Variants in NELL2 observed in about 807,000 individuals in gnomAD.
NELL2 encodes the protein protein kinase C-binding protein NELL2.
NELL2 carries 41 observed loss-of-function variants against 109.6 expected under a neutral mutation model. That is an observed-to-expected ratio of 0.37 (90% CI 0.29 to 0.49). The LOEUF is 0.49. Ranked by LOEUF, NELL2 falls within the 20% of genes least tolerant of loss-of-function variation. The pLI is 0.98. For missense variants in NELL2, 900 were observed against 1,008.3 expected, an observed-to-expected ratio of 0.89 and a Z score of 1.45; for synonymous variants, 355 against 344.7, an observed-to-expected ratio of 1.03 and a Z score of -0.33.
At chr12:44,735,795 C>T (rs1592425383) in intron 9 of NELL2, among the ~76,000 whole-genome samples, 4 of 151,882 alleles carry the variant, frequency 2.6e-5, no homozygotes, top group Middle Eastern at 3.4e-3. Flanking sequence ...ATATTTTTAT[C>T]CTCCTTTGTT....
intron 2 of NELL2, among the ~76,000 whole-genome samples, chr12:44,823,023 T>C (rs1943594742): frequency 1.3e-5 from 2 of 152,206 alleles, no homozygotes; most frequent in South Asian, 4.1e-4. Flanking sequence ...AATACAATTA[T>C]GTATATGGTA....
chr12:44,640,433 A>G (rs568754929), intron 13 of NELL2, among the ~76,000 whole-genome samples: 1 of 152,314 alleles, frequency 6.6e-6, no homozygotes, highest in Admixed American at 6.5e-5. Context: ...TCTACAAATA[A>G]TTGTTTTGCC....
intron 3 of NELL2, among the ~76,000 whole-genome samples, chr12:44,809,030 A>G (rs1666490667): frequency 6.6e-6 from 1 of 152,058 alleles, no homozygotes; most frequent in Non-Finnish European, 1.5e-5. Flanking sequence ...CCTGGATATC[A>G]GCAAAATTCC....
Position 44,774,841 on chromosome 12 carries a change from G to A in NELL2, c.900C>T (p.Thr300=), listed in dbSNP as rs183942104. 6.2e-7 allele frequency: 1 copy of A among 1,609,420 alleles called. No individual in the cohort carries two copies. The part of the protein sequence containing the change: ...GCKNCTCLNG[T]IQCETLICPN... ...GGCAGATTAGAGTTTCACACTGGAT[G>A]GTTCCATTCTGAAAAGGAAACAATA... is the stretch of plus-strand genomic sequence containing the variant. Residue 300 remains threonine, a synonymous_variant, in exon 9 of 20, where the codon ACC becomes ACT. Coordinates refer to ENST00000429094, the MANE Select transcript of NELL2 (RefSeq NM_001145108.2).
Position 44,728,993 on chromosome 12 carries a change from T to C in NELL2, c.995-14252A>G, listed in dbSNP as rs1044312396. Among the ~76,000 whole-genome samples, 3 of 151,940 alleles carry C rather than the reference T, an allele frequency of 2.0e-5. No homozygotes were observed. In the East Asian group the frequency reaches 5.8e-4, roughly 29 times the overall value. On this transcript the variant is annotated intron_variant, in intron 9 of 19. Coordinates refer to ENST00000429094, the MANE Select transcript of NELL2 (RefSeq NM_001145108.2). ...AAAATGATAACAGAAGACCTTAAAG[T>C]TGAAATGAAAAAAATACCAGACAGC...
chr12:44,804,950 A>G (rs1485791325), intron 3 of NELL2, among the ~76,000 whole-genome samples: 1 of 151,912 alleles, frequency 6.6e-6, no homozygotes, highest in African/African-American at 2.4e-5. Context: ...AACAAAATCC[A>G]TTTTTCTAGT....
chr12:44,599,699 G>T (rs945768170), intron 15 of NELL2, among the ~76,000 whole-genome samples: 1 of 152,152 alleles, frequency 6.6e-6, no homozygotes, highest in African/African-American at 2.4e-5. Context: ...GATGAAAGCG[G>T]TTAACTCTTC....
intron 19 of NELL2, among the ~76,000 whole-genome samples, chr12:44,519,349 CA>C (rs2138977258): frequency 1.3e-5 from 2 of 152,306 alleles, no homozygotes; most frequent in South Asian, 4.1e-4. Flanking sequence ...CACTAATCTA[CA>C]AACTCTATAT....
At chr12:44,767,985 T>G (rs568662621) in intron 9 of NELL2, among the ~76,000 whole-genome samples, 32 of 152,322 alleles carry the variant, frequency 2.1e-4, no homozygotes, top group Non-Finnish European at 2.5e-4. Flanking sequence ...GAAGAAAGAA[T>G]GGTAGAGTTA....
At chr12:44,691,410 G>A (rs1476657507) in intron 12 of NELL2, among the ~76,000 whole-genome samples, 2 of 152,176 alleles carry the variant, frequency 1.3e-5, no homozygotes, top group Non-Finnish European at 2.9e-5. Context: ...ATAACTGTGT[G>A]TGTTCTGATG....
chr12:44,540,797 A>AAAAAAAAAAAAAAAAAAAC lies in NELL2; in HGVS notation c.1664-8077_1664-8076insGTTTTTTTTTTTTTTTTTT, dbSNP rs1942523427. On this transcript the variant is annotated intron_variant, in intron 15 of 19. Transcript: ENST00000429094. ...TCTGCAAGCCAAAAAAAAAAAAAAA[A>AAAAAAAAAAAAAAAAAAAC]AGCCCATCCTCATATCAAAGCTCAA... is the stretch of plus-strand genomic sequence containing the variant. Among the ~76,000 whole-genome samples, 2 of 150,302 alleles carry AAAAAAAAAAAAAAAAAAAC rather than the reference A, an allele frequency of 1.3e-5. 1 individual carries two copies. The highest frequency in any genetic ancestry group is 3.0e-5 in the Non-Finnish European group (2 of 67,636).
chr12:44,776,216 C>T (rs1229237861), intron 7 of NELL2, 66 bp from the exon 8 acceptor site: 20 of 1,565,472 alleles, frequency 1.3e-5, no homozygotes, highest in Non-Finnish European at 1.7e-5. Context: ...GTGAAACACT[C>T]CGCAGGTATC....
intron 11 of NELL2, among the ~76,000 whole-genome samples, chr12:44,706,987 G>C (rs571928515): frequency 1.2e-3 from 184 of 152,224 alleles, no homozygotes; most frequent in Non-Finnish European, 1.6e-3. Context: ...GTGTAAGTAG[G>C]AACAGTATAT....
intron 12 of NELL2, among the ~76,000 whole-genome samples, chr12:44,682,986 T>C (rs1179227558): frequency 2.0e-5 from 3 of 152,232 alleles, no homozygotes; most frequent in South Asian, 2.1e-4. Context: ...GGGGATGACA[T>C]TGAATCTATA....
At chr12:44,625,968 G>GAAA (rs113259665) in intron 13 of NELL2, among the ~76,000 whole-genome samples, 20,884 of 150,050 alleles carry the variant, frequency 0.14, 2,027 homozygotes, top group African/African-American at 0.27. Context: ...AAGGTAATTG[G>GAAA]AAAAAAAAAT....
At chr12:44,665,383 G>T in intron 13 of NELL2, 101 bp downstream of exon 13, 2 of 947,292 alleles carry the variant, frequency 2.1e-6, no homozygotes, top group Non-Finnish European at 3.0e-6. Context: ...ATGTTTTGTT[G>T]TATTTATGGT....
intron 9 of NELL2, among the ~76,000 whole-genome samples, chr12:44,734,439 T>G (rs1408106374): frequency 1.3e-5 from 2 of 151,640 alleles, no homozygotes; most frequent in Non-Finnish European, 3.0e-5. Context: ...GTTTAGTCTA[T>G]GTATATTTAG....
At chr12:44,566,566 C>CACAG (rs377368706) in intron 15 of NELL2, among the ~76,000 whole-genome samples, 4,474 of 138,414 alleles carry the variant, frequency 0.032, 238 homozygotes, top group African/African-American at 0.11. Context: ...CACACACACA[C>CACAG]AGAGTTTTAT....
intron 3 of NELL2, among the ~76,000 whole-genome samples, chr12:44,787,904 G>A (rs545680861): frequency 6.6e-6 from 1 of 152,126 alleles, no homozygotes; most frequent in Non-Finnish European, 1.5e-5. Context: ...TACACAATGA[G>A]TTCTTAGAGT....
Sources: gnomAD v4.1 joint callset for allele counts (sites outside exome capture counted in the v4.1 genomes callset) on GRCh38, gnomAD v4.1.1 for gene constraint, MANE v1.5 for transcripts, NCBI Gene and HGNC (gene_info 2026-07-23, HGNC 2026-07-21) for gene names.